Variants in LUM observed in about 807,000 individuals in gnomAD.
LUM encodes lumican, also known as KSPG lumican.
In LUM, 13 loss-of-function variants were observed where a neutral mutation model predicts 20.5. That is an observed-to-expected ratio of 0.63 (90% confidence interval 0.41 to 1.01). LUM has a LOEUF of 1.01. LUM is among the 50% of genes least tolerant of loss of function. LUM has a pLI of 0.00. For missense variants in LUM, 321 were observed against 391.1 expected (o/e 0.82, Z 1.51); for synonymous variants, 173 against 151.5 (o/e 1.14, Z -1.04).
rs1246370502 is a variant in LUM, at chr12:91,102,753, T to A, written c.*1412A>T. The stretch of plus-strand genomic sequence containing the variant: ...GTAGAAAACTCATGAAAATCAAAAA[T>A]ACACATTGTACCTAATGTAATATCC... On this transcript the variant is annotated 3_prime_UTR_variant, in exon 3 of 3. Coordinates refer to ENST00000266718, the MANE Select transcript of LUM (RefSeq NM_002345.4). The A allele has an allele frequency of 6.6e-6, 1 of 152,084 alleles. No homozygotes were observed. Among genetic ancestry groups the A allele is most frequent in the African/African-American group, 2.4e-5 (1 of 41,448 alleles). 9.4% of individuals were successfully genotyped at this position (152,084 alleles called of 1,614,324 possible).
intron 2 of LUM, among the ~76,000 whole-genome samples, chr12:91,105,162 AT>A (rs1210444355): frequency 2.0e-5 from 3 of 152,078 alleles, no homozygotes; most frequent in African/African-American, 4.8e-5. Flanking sequence ...AATTCCAGGG[AT>A]TTTTCTATGG....
intron 2 of LUM, among the ~76,000 whole-genome samples, chr12:91,105,006 G>A (rs140169262): frequency 2.0e-5 from 3 of 152,274 alleles, no homozygotes; most frequent in African/African-American, 7.2e-5. Flanking sequence ...TGACTGACCT[G>A]TGTATACACA....
chr12:91,108,976 T>C lies in LUM; in HGVS notation c.4A>G (p.Ser2Gly), dbSNP rs1419147327. The C allele has an allele frequency of 1.2e-6, 2 of 1,611,682 alleles. No homozygotes were observed. The highest frequency in any genetic ancestry group is 1.7e-4 in the Middle Eastern group (1 of 6,050). The change falls in exon 2 of 3, where the codon AGT becomes GGT. Residue 2 changes from serine (S) to glycine (G), a missense_variant. Coordinates refer to ENST00000266718, the MANE Select transcript of LUM (RefSeq NM_002345.4). The surrounding 1 kb of genome is among the most constrained non-coding windows in gnomAD (Gnocchi z 4.2). ...AGGAAGAGAGTAAATGCACTTAGAC[T>C]CATTTTTGGCAAATGGTTTGAATCC... MSLSAFTLFLAL... is the reference protein window; with the variant it reads MGLSAFTLFLAL...
At chr12:91,110,897 A>G (rs573542643) in intron 1 of LUM, among the ~76,000 whole-genome samples, 1 of 152,314 alleles carries the variant, frequency 6.6e-6, no homozygotes, top group South Asian at 2.1e-4. Flanking sequence ...AAATTTTTTA[A>G]ATTAACAAAA....
intron 2 of LUM, among the ~76,000 whole-genome samples, chr12:91,106,876 A>T (rs1880045593): frequency 6.6e-6 from 1 of 151,972 alleles, no homozygotes. Context: ...AGGGAAGACC[A>T]TGAGACTATA....
chr12:91,108,095 C>A lies in LUM; in HGVS notation c.862+23G>T, dbSNP rs146379752. On this transcript the variant is annotated intron_variant, in intron 2 of 2. Coordinates refer to ENST00000266718, the MANE Select transcript of LUM (RefSeq NM_002345.4). The surrounding 1 kb of genome is among the most constrained non-coding windows in gnomAD (Gnocchi z 4.2). ...TTTAAACACTTGAGCACACATCAAA[C>A]ACAGGAACAGCTTTTTACTTACTCT... The A allele has an allele frequency of 5.0e-6, 8 of 1,613,376 alleles. No individual in the cohort carries two copies. Among genetic ancestry groups the A allele is most frequent in the South Asian group, 4.4e-5 (4 of 90,858 alleles).
rs769516936 is a variant in LUM, at chr12:91,108,650, T to A, written c.330A>T (p.Arg110Ser). The change falls in exon 2 of 3, where the codon AGA (arginine) becomes AGT (serine). Residue 110 changes from arginine to serine, a missense_variant. Coordinates refer to ENST00000266718, the MANE Select transcript of LUM (RefSeq NM_002345.4). This position sits in a 1 kb window ranked among gnomAD's most constrained non-coding sequence, Gnocchi z 4.2. Reference protein sequence around the residue: ...NLLENSKIKGRVFSKLKQLKK... With the variant: ...NLLENSKIKGSVFSKLKQLKK... The stretch of plus-strand genomic sequence containing the variant: ...TCAGTTGTTTCAATTTAGAGAAAAC[T>A]CTCCCTTTTATCTTGGAGTTTTCTA... The A allele has an allele frequency of 2.8e-5, 45 of 1,613,928 alleles. No homozygotes were observed. The highest frequency in any genetic ancestry group is 3.6e-5 in the Non-Finnish European group (43 of 1,179,962).
At chr12:91,107,143 CAA>C (rs773547125) in intron 2 of LUM, among the ~76,000 whole-genome samples, 2 of 63,238 alleles carry the variant, frequency 3.2e-5, no homozygotes, top group Non-Finnish European at 3.2e-5. Flanking sequence ...GAGACCCTGT[CAA>C]AAAAAAAAAG....
In LUM at chr12:91,108,428, T is replaced by C; in HGVS notation, c.552A>G (p.Lys184=). The C allele has an allele frequency of 6.2e-7, 1 of 1,614,102 alleles. No homozygotes were observed. Among genetic ancestry groups the C allele is most frequent in the African/African-American group, 1.3e-5 (1 of 75,040 alleles). Residue 184 remains lysine (K), a synonymous_variant, in exon 2 of 3, where the codon AAA becomes AAG. Coordinates refer to ENST00000266718, the MANE Select transcript of LUM (RefSeq NM_002345.4). This position sits in a 1 kb window ranked among gnomAD's most constrained non-coding sequence, Gnocchi z 4.2. Reference sequence around the variant, plus strand: ...AGCTCAAGTCAAGGTATTCGAGTGATTTAAGACCTTTAAAAGCAGCTGAAA... The same window carrying C: ...AGCTCAAGTCAAGGTATTCGAGTGACTTAAGACCTTTAAAAGCAGCTGAAA... ...DAVSAAFKGL[K]SLEYLDLSFN...
rs1879973342 is a variant in LUM, at chr12:91,104,067, A to C, written c.*98T>G. ...TACAAAACATTTCCCTCAGATTTTA[A>C]AATTCATGGAAGTAATAAACAGTAA... On this transcript the variant is annotated 3_prime_UTR_variant, in exon 3 of 3. Coordinates refer to ENST00000266718, the MANE Select transcript of LUM (RefSeq NM_002345.4). 9.9e-7 allele frequency: 1 copy of C among 1,007,718 alleles called. No individual in the cohort carries two copies. Among genetic ancestry groups the C allele is most frequent in the Non-Finnish European group, 1.5e-6 (1 of 670,328 alleles). 62.4% of individuals were successfully genotyped at this position (1,007,718 alleles called of 1,614,324 possible).
Position 91,104,397 on chromosome 12 carries a change from T to G in LUM, c.863-78A>C, listed in dbSNP as rs141834639. ...AACAATACAAAAAATTTATGTTTAA[T>G]ATATTATAAAATAGGACCTCTTCCC... On this transcript the variant is annotated intron_variant, in intron 2 of 2. Coordinates refer to ENST00000266718, the MANE Select transcript of LUM (RefSeq NM_002345.4). 264 of 1,000,182 alleles carry G rather than the reference T, an allele frequency of 2.6e-4. No individual in the cohort carries two copies. In the African/African-American group the frequency reaches 3.8e-3, roughly 15 times the overall value. 62.0% of individuals were successfully genotyped at this position (1,000,182 alleles called of 1,614,324 possible).
Position 91,108,944 on chromosome 12 carries a change from C to T in LUM, c.36G>A (p.Leu12=), listed in dbSNP as rs745481318. ...AGTACTGGCCACTGGTACCACCAAT[C>T]AATGCCAGGAAGAGAGTAAATGCAC... ...SLSAFTLFLA[L]IGGTSGQYYD... The change falls in exon 2 of 3, where the codon TTG becomes TTA. Residue 12 remains leucine (L), a synonymous_variant. Coordinates refer to ENST00000266718, the MANE Select transcript of LUM (RefSeq NM_002345.4). This position sits in a 1 kb window ranked among gnomAD's most constrained non-coding sequence, Gnocchi z 4.2. The T allele has an allele frequency of 1.2e-6, 2 of 1,613,620 alleles. No homozygotes were observed. Among genetic ancestry groups the T allele is most frequent in the Admixed American group, 3.3e-5 (2 of 60,000 alleles).
chr12:91,107,558 G>A (rs1431644188), intron 2 of LUM, among the ~76,000 whole-genome samples: 1 of 152,150 alleles, frequency 6.6e-6, no homozygotes, highest in East Asian at 1.9e-4. Flanking sequence ...AGGTAACACA[G>A]CAGGATGAGT....
chr12:91,110,466 G>A (rs796115135), intron 1 of LUM, among the ~76,000 whole-genome samples: 1 of 152,170 alleles, frequency 6.6e-6, no homozygotes, highest in African/African-American at 2.4e-5. Context: ...ATTTTAATGG[G>A]GGCATTTAAT....
chr12:91,110,300 G>A (rs118185343), intron 1 of LUM, among the ~76,000 whole-genome samples: 184 of 152,280 alleles, frequency 1.2e-3, no homozygotes, highest in East Asian at 9.3e-3. Context: ...GATCTTTGGG[G>A]TTAGAAACTG....
At chr12:91,110,091 T>G (rs1428131244) in intron 1 of LUM, among the ~76,000 whole-genome samples, 5 of 152,124 alleles carry the variant, frequency 3.3e-5, no homozygotes, top group Non-Finnish European at 5.9e-5. Flanking sequence ...GTGCAGCAAT[T>G]TAGATATGGG....
At chr12:91,109,995 G>A (rs985405665) in intron 1 of LUM, among the ~76,000 whole-genome samples, 1 of 152,126 alleles carries the variant, frequency 6.6e-6, no homozygotes, top group Non-Finnish European at 1.5e-5. Context: ...TTGAGAATAT[G>A]AATTTGAAAT....
chr12:91,108,973 G>C lies in LUM; in HGVS notation c.7C>G (p.Leu3Val). The C allele has an allele frequency of 6.2e-7, 1 of 1,611,914 alleles. No homozygotes were observed. Among genetic ancestry groups the C allele is most frequent in the Non-Finnish European group, 8.5e-7 (1 of 1,178,848 alleles). ...GCCAGGAAGAGAGTAAATGCACTTAGACTCATTTTTGGCAAATGGTTTGAA... is the reference window on the plus strand; with the variant it reads ...GCCAGGAAGAGAGTAAATGCACTTACACTCATTTTTGGCAAATGGTTTGAA... MS[L>V]SAFTLFLALI... The change falls in exon 2 of 3, where the codon CTA (leucine) becomes GTA (valine). Residue 3 changes from leucine to valine, a missense_variant. Physicochemically the swap from Leu to Val is conservative, Grantham distance 32. Transcript: ENST00000266718. This position sits in a 1 kb window ranked among gnomAD's most constrained non-coding sequence, Gnocchi z 4.2.
At chr12:91,111,099 A>G (rs1667634382) in intron 1 of LUM, among the ~76,000 whole-genome samples, 1 of 152,234 alleles carries the variant, frequency 6.6e-6, no homozygotes, top group Admixed American at 6.5e-5. Flanking sequence ...TAGCATACAT[A>G]ACAAACATAT....
Sources: gnomAD v4.1 joint callset for allele counts (sites outside exome capture counted in the v4.1 genomes callset) on GRCh38, gnomAD v4.1.1 for gene constraint, Gnocchi (gnomAD v3.1) non-coding constraint, MANE v1.5 for transcripts, NCBI Gene and HGNC (gene_info 2026-07-23, HGNC 2026-07-21) for gene names.